Variants in AMOTL2 observed in about 807,000 individuals in gnomAD.
AMOTL2 encodes angiomotin-like protein 2.
In AMOTL2, 33 loss-of-function variants were observed where a neutral mutation model predicts 78.4. The observed-to-expected ratio is 0.42, with a 90% CI of 0.32 to 0.56. The LOEUF (loss-of-function observed/expected upper bound fraction) is 0.56. Ranked by LOEUF, AMOTL2 falls within the 20% of genes least tolerant of loss-of-function variation. AMOTL2 has a pLI of 0.12. For missense variants in AMOTL2, 983 were observed against 1,030.1 expected (o/e 0.95, Z 0.63); for synonymous variants, 422 against 428.8 (o/e 0.98, Z 0.20).
chr3:134,367,995 C>T, intron 2 of AMOTL2, 192 bp from the exon 3 acceptor site: 1 of 520,312 alleles, frequency 1.9e-6, no homozygotes, highest in Non-Finnish European at 3.3e-6. Flanking sequence ...GTAGGGAAGG[C>T]CTTTTCCAAA....
In AMOTL2 at chr3:134,357,840, G is replaced by A. The variant is rs555471051; in HGVS notation, c.2285-77C>T. ...TTTTAAAATCCTGGCACATTTGAAAGACAAAGATCGTTCTTCACCAACTTT... is the reference window on the plus strand; with the variant it reads ...TTTTAAAATCCTGGCACATTTGAAAAACAAAGATCGTTCTTCACCAACTTT... On this transcript the variant is annotated intron_variant, in intron 9 of 9. Coordinates refer to ENST00000249883, the MANE Select transcript of AMOTL2 (RefSeq NM_016201.4). 3.7e-5 allele frequency: 55 copies of A among 1,469,800 alleles called. No homozygotes were observed. The East Asian group carries it at 1.2e-3, about 31-fold the overall frequency. 91.0% of individuals were successfully genotyped at this position (1,469,800 alleles called of 1,614,324 possible). A position where few individuals can be genotyped will look rare whatever the true frequency, so the allele number is the denominator to read the frequency against.
chr3:134,356,663 A>G lies in AMOTL2; in HGVS notation c.*1042T>C, dbSNP rs1476807211. On this transcript the variant is annotated 3_prime_UTR_variant, in exon 10 of 10. Coordinates refer to ENST00000249883, the MANE Select transcript of AMOTL2 (RefSeq NM_016201.4). ...ATGAAGACACTTATGCTAACAAGAC[A>G]TCTCCAGTTTCTCAGAAAGAACTGG... is the stretch of plus-strand genomic sequence containing the variant. 1 of 152,728 alleles carries G rather than the reference A, an allele frequency of 6.5e-6. No individual in the cohort carries two copies. The highest frequency in any genetic ancestry group is 2.4e-5 in the African/African-American group (1 of 41,558). 9.5% of individuals were successfully genotyped at this position (152,728 alleles called of 1,614,324 possible).
Position 134,370,693 on chromosome 3 carries a change from G to A in AMOTL2, c.734+7C>T, listed in dbSNP as rs1042020278. ...GGAGTTGGAAAGCCCAAGGTGGGGA[G>A]AGTTACCTGACTTCAGCATGCTGGA... On this transcript the variant is annotated splice_region_variant and intron_variant, in intron 2 of 9. Transcript: ENST00000249883. 1.5e-5 allele frequency: 22 copies of A among 1,509,106 alleles called. No homozygotes were observed. The highest frequency in any genetic ancestry group is 1.9e-5 in the Non-Finnish European group (22 of 1,129,380). The allele number at this position is 1,509,106 out of a possible 1,614,324, so 93.5% of individuals were successfully genotyped here.
At chr3:134,369,895 CT>C (rs1305560918) in intron 2 of AMOTL2, among the ~76,000 whole-genome samples, 1 of 152,334 alleles carries the variant, frequency 6.6e-6, no homozygotes, top group Non-Finnish European at 1.5e-5. Context: ...ACACTTATTT[CT>C]CCAAACTCTC....
chr3:134,366,292 C>A lies in AMOTL2; in HGVS notation c.1177G>T (p.Asp393Tyr). ...EMRRLQDFNR[D>Y]LRERLESANR... ...TGTGACTGGCTCTCACCTCTAAGATCCCGGTTGAAGTCTTGCAGCCTCCTC... is the reference window on the plus strand; with the variant it reads ...TGTGACTGGCTCTCACCTCTAAGATACCGGTTGAAGTCTTGCAGCCTCCTC... Residue 393 changes from aspartate (D) to tyrosine (Y), a missense_variant, in exon 4 of 10, where the codon GAT becomes TAT. Asp to Tyr is a radical substitution (Grantham distance 160). Transcript: ENST00000249883. 1 of 1,614,096 alleles carries A rather than the reference C, an allele frequency of 6.2e-7. No individual in the cohort carries two copies. The highest frequency in any genetic ancestry group is 8.5e-7 in the Non-Finnish European group (1 of 1,179,986).
chr3:134,373,503 C>T (rs2017958926), intron 1 of AMOTL2: 2 of 985,466 alleles, frequency 2.0e-6, no homozygotes, highest in South Asian at 4.7e-5. Flanking sequence ...CTTCCGCGCC[C>T]CCGGCCGCGA....
intron 5 of AMOTL2, among the ~76,000 whole-genome samples, chr3:134,362,057 T>TG (rs987239580): frequency 1.1e-4 from 16 of 152,348 alleles, no homozygotes; most frequent in African/African-American, 3.1e-4. Flanking sequence ...GCCTTTCTAC[T>TG]GGGACATACT....
chr3:134,373,731 G>A, intron 1 of AMOTL2: 1 of 985,444 alleles, frequency 1.0e-6, no homozygotes, highest in Non-Finnish European at 1.2e-6. Context: ...AGCCGGTGAG[G>A]GTAGCCCGAG....
chr3:134,374,577 G>A, upstream of AMOTL2: 1 of 985,570 alleles, frequency 1.0e-6, no homozygotes, highest in Non-Finnish European at 1.2e-6. Flanking sequence ...TCAGCGCACC[G>A]CCCTCCTCCG....
In AMOTL2 at chr3:134,359,397, G is replaced by T; in HGVS notation, c.1990C>A (p.Pro664Thr). Residue 664 changes from proline (P) to threonine (T), a missense_variant, in exon 8 of 10, where the codon CCT becomes ACT. By Grantham distance (38) the Pro-to-Thr change is conservative. Coordinates refer to ENST00000249883, the MANE Select transcript of AMOTL2 (RefSeq NM_016201.4). ...PGKAIQGSLR[P>T]AKSVPSVFAA... ...AAAACAGATGGCACCGACTTGGCAG[G>T]CCGCAGGGAGCCCTGGATGGCCTTG... The T allele has an allele frequency of 6.2e-7, 1 of 1,614,214 alleles. No homozygotes were observed. The highest frequency in any genetic ancestry group is 8.5e-7 in the Non-Finnish European group (1 of 1,180,034).
At chr3:134,374,772 C>T, upstream of AMOTL2, 5 of 1,011,802 alleles carry the variant, frequency 4.9e-6, no homozygotes, top group Non-Finnish European at 5.9e-6. Flanking sequence ...TTTAATCCAA[C>T]TCTGCCCATT....
At chr3:134,375,069 C>T, upstream of AMOTL2, 2 of 1,466,452 alleles carry the variant, frequency 1.4e-6, no homozygotes, top group South Asian at 2.8e-5. Flanking sequence ...TGTTTTCACC[C>T]CCAGCGGCAA....
rs1024762968 is a variant in AMOTL2, at chr3:134,370,810, T to A, written c.624A>T (p.Gly208=). Residue 208 remains glycine (G), a synonymous_variant, in exon 2 of 10, where the codon GGA becomes GGT. Coordinates refer to ENST00000249883, the MANE Select transcript of AMOTL2 (RefSeq NM_016201.4). ...CAACATGAGGGTACTGAGGTGGGGG[T>A]CCTCGGGACTCTGGGCCCTCAGCAG... ...GPPAEGPESR[G]PPPQYPHVVL... is the part of the protein sequence containing the mutation. 6.4e-7 allele frequency: 1 copy of A among 1,564,666 alleles called. No homozygotes were observed. Among genetic ancestry groups the A allele is most frequent in the Non-Finnish European group, 8.7e-7 (1 of 1,155,090 alleles).
Position 134,365,599 on chromosome 3 carries a change from C to T in AMOTL2, c.1279+218G>A, listed in dbSNP as rs143591692. 1.5e-3 allele frequency among the ~76,000 whole-genome samples: 226 copies of T among 152,268 alleles called. 3 individuals carry two copies. The highest frequency in any genetic ancestry group is 0.013 in the Admixed American group (202 of 15,278). On this transcript the variant is annotated intron_variant, in intron 5 of 9. Transcript: ENST00000249883. ...GGCTTTCCCTCTTGTGTCAGCTGAT[C>T]TTCTTAAAAGATACAGAACTAGATC...
chr3:134,373,758 A>C, intron 1 of AMOTL2: 1 of 985,448 alleles, frequency 1.0e-6, no homozygotes, highest in Non-Finnish European at 1.2e-6. Flanking sequence ...AGAGGTCTTT[A>C]AGCATCGCGG....
chr3:134,366,195 A>T, intron 4 of AMOTL2, 88 bp downstream of exon 4: 5 of 1,532,880 alleles, frequency 3.3e-6, no homozygotes, highest in East Asian at 2.3e-5. Flanking sequence ...TTTGACAGAG[A>T]ATAGAGATTC....
In AMOTL2 at chr3:134,360,154, T is replaced by A; in HGVS notation, c.1835A>T (p.Asn612Ile). ...SPQPSPSSSF[N>I]EGLLTGGHRH... Reference sequence around the variant, plus strand: ...GTGGCCACCAGTGAGCAGACCCTCATTGAAGCTGCTGCTGGGTGAGGGCTG... The same window carrying A: ...GTGGCCACCAGTGAGCAGACCCTCAATGAAGCTGCTGCTGGGTGAGGGCTG... Residue 612 changes from asparagine (N) to isoleucine (I), a missense_variant, in exon 7 of 10, where the codon AAT becomes ATT. Physicochemically the swap from Asn to Ile is moderately radical, Grantham distance 149 (BLOSUM62 -3). Transcript: ENST00000249883. The A allele has an allele frequency of 1.2e-6, 2 of 1,613,800 alleles. No homozygotes were observed. The highest frequency in any genetic ancestry group is 1.1e-5 in the South Asian group (1 of 91,010).
chr3:134,373,783 C>G, intron 1 of AMOTL2: 1 of 985,496 alleles, frequency 1.0e-6, no homozygotes, highest in South Asian at 4.7e-5. Flanking sequence ...GCCTCCCTCC[C>G]TCTCGAGCCC....
chr3:134,359,234 C>A (rs769304849), intron 8 of AMOTL2, 49 bp downstream of exon 8: 7 of 1,593,852 alleles, frequency 4.4e-6, no homozygotes, highest in Non-Finnish European at 5.2e-6. Flanking sequence ...TGTGTTCAGG[C>A]CCAGGAGAAA....
Sources: allele counts gnomAD v4.1 joint callset (sites outside exome capture counted in the v4.1 genomes callset), GRCh38; gene constraint gnomAD v4.1.1; transcripts MANE v1.5; gene names NCBI Gene and HGNC (gene_info 2026-07-23, HGNC 2026-07-21).